TTC17: variants seen among roughly 807,000 people sequenced by gnomAD.
TTC17 encodes tetratricopeptide repeat protein 17.
In TTC17, 58 loss-of-function variants were observed where a neutral mutation model predicts 143.8. That is an observed-to-expected ratio of 0.40 (90% CI 0.33 to 0.50). The LOEUF is 0.50. Among genes scored for constraint, TTC17 ranks in the 20% least tolerant of loss-of-function variants. The pLI, the probability that TTC17 is intolerant of heterozygous loss-of-function variation, is 0.49. For synonymous variants in TTC17, 501 were observed against 497.8 expected, an observed-to-expected ratio of 1.01 and a Z score of -0.09; for missense variants, 1,273 against 1,392.5, an observed-to-expected ratio of 0.91 and a Z score of 1.37.
Position 43,492,088 on chromosome 11 carries a change from A to G in TTC17, c.3219A>G (p.Val1073=), listed in dbSNP as rs760349945. 6.2e-7 allele frequency: 1 copy of G among 1,614,144 alleles called. No homozygotes were observed. The highest frequency in any genetic ancestry group is 1.1e-5 in the South Asian group (1 of 91,078). ...NAKLWNDAVI[V]ATMAVEIAPH... ...AGCTCTGGAATGACGCCGTCATAGT[A>G]GCCACCATGGCAGTAGAGATCGCAC... is the stretch of plus-strand genomic sequence containing the variant. Residue 1073 remains valine (V), a synonymous_variant, in exon 23 of 24, where the codon GTA becomes GTG. Coordinates refer to ENST00000039989, the MANE Select transcript of TTC17 (RefSeq NM_018259.6).
intron 10 of TTC17, among the ~76,000 whole-genome samples, chr11:43,402,856 A>G (rs1024049177): frequency 6.6e-6 from 1 of 152,208 alleles, no homozygotes; most frequent in Non-Finnish European, 1.5e-5. Flanking sequence ...AGCAATAACT[A>G]CTTAAGATAA....
intron 16 of TTC17, among the ~76,000 whole-genome samples, chr11:43,439,468 TGG>T (rs1405723304): frequency 1.1e-4 from 16 of 150,908 alleles, no homozygotes; most frequent in African/African-American, 3.9e-4. Flanking sequence ...TGTTTTTTTT[TGG>T]TTTTTTTTTT....
chr11:43,467,394 C>T (rs568460152), intron 21 of TTC17, among the ~76,000 whole-genome samples: 8 of 152,152 alleles, frequency 5.3e-5, no homozygotes, highest in Non-Finnish European at 8.8e-5. Flanking sequence ...GAGGAATTAA[C>T]GGTAAGTGAA....
chr11:43,492,621 A>G (rs1240930500), intron 23 of TTC17, among the ~76,000 whole-genome samples: 4 of 152,196 alleles, frequency 2.6e-5, no homozygotes, highest in Admixed American at 6.5e-5. Flanking sequence ...CCTCTAGCCT[A>G]CGGGCTCATT....
chr11:43,401,987 ATAAAT>A (rs1382225967), intron 10 of TTC17, among the ~76,000 whole-genome samples: 5 of 79,384 alleles, frequency 6.3e-5, no homozygotes, highest in Non-Finnish European at 1.1e-4. Context: ...CAAAAAATAA[ATAAAT>A]AAATAAATAA....
chr11:43,368,912 C>T (rs970590932), intron 1 of TTC17, among the ~76,000 whole-genome samples: 22 of 152,300 alleles, frequency 1.4e-4, no homozygotes, highest in African/African-American at 5.3e-4. Flanking sequence ...TACCAGCCCT[C>T]GGGATGTTCT....
intron 21 of TTC17, among the ~76,000 whole-genome samples, chr11:43,452,227 C>A (rs115909530): frequency 6.6e-6 from 1 of 152,178 alleles, no homozygotes; most frequent in Admixed American, 6.5e-5. Context: ...CGGTCGGGCC[C>A]GGTGGCTCAC....
chr11:43,492,176 T>A lies in TTC17; in HGVS notation c.3294+13T>A, dbSNP rs1419622285. The A allele has an allele frequency of 6.2e-7, 1 of 1,613,750 alleles. No homozygotes were observed. Among genetic ancestry groups the A allele is most frequent in the Non-Finnish European group, 8.5e-7 (1 of 1,179,814 alleles). On this transcript the variant is annotated intron_variant, in intron 23 of 23. Transcript: ENST00000039989. ...CTACGTGGCAATGGTGAGATGGGGGTGTGAGCAGTATGTACCAACTCTGCC... is the reference window on the plus strand; with the variant it reads ...CTACGTGGCAATGGTGAGATGGGGGAGTGAGCAGTATGTACCAACTCTGCC...
chr11:43,362,106 G>A (rs917449857), intron 1 of TTC17, among the ~76,000 whole-genome samples: 12 of 150,794 alleles, frequency 8.0e-5, no homozygotes, highest in Non-Finnish European at 1.3e-4. Flanking sequence ...TCAGCATCCC[G>A]AGTAGCTGGG....
At chr11:43,380,907 T>C (rs1856943206) in intron 2 of TTC17, among the ~76,000 whole-genome samples, 1 of 152,234 alleles carries the variant, frequency 6.6e-6, no homozygotes, top group African/African-American at 2.4e-5. Flanking sequence ...TAGTGCTTCA[T>C]GCTTGGAAGC....
chr11:43,432,220 G>T lies in TTC17; in HGVS notation c.2252-11105G>T, dbSNP rs932778817. Reference sequence around the variant, plus strand: ...TAAATTGTGACTTTACCCGTCAGGAGACTTTACTTTGACAAGTATATTAAA... The same window carrying T: ...TAAATTGTGACTTTACCCGTCAGGATACTTTACTTTGACAAGTATATTAAA... On this transcript the variant is annotated intron_variant, in intron 16 of 23. Transcript: ENST00000039989. Among the ~76,000 whole-genome samples, 5 of 46,426 alleles carry T rather than the reference G, an allele frequency of 1.1e-4. No homozygotes were observed. The South Asian group carries it at 6.1e-3, about 57-fold the overall frequency. The allele number at this position is 46,426 out of a possible 152,430, so 30.5% of individuals were successfully genotyped here.
chr11:43,369,711 G>C (rs564491106), intron 1 of TTC17, among the ~76,000 whole-genome samples: 1 of 151,786 alleles, frequency 6.6e-6, no homozygotes, highest in Non-Finnish European at 1.5e-5. Flanking sequence ...CTGCCTCCCA[G>C]GTTCAAGTGA....
At chr11:43,462,286 T>G (rs1947883728) in intron 21 of TTC17, among the ~76,000 whole-genome samples, 1 of 152,180 alleles carries the variant, frequency 6.6e-6, no homozygotes, top group Non-Finnish European at 1.5e-5. Flanking sequence ...ATACACAGTA[T>G]GGAAAGAAGA....
intron 21 of TTC17, among the ~76,000 whole-genome samples, chr11:43,459,537 C>T (rs1402610994): frequency 6.6e-6 from 1 of 152,188 alleles, no homozygotes; most frequent in Non-Finnish European, 1.5e-5. Flanking sequence ...CAGAGAGAAG[C>T]CACACCCACA....
intron 21 of TTC17, among the ~76,000 whole-genome samples, chr11:43,458,749 T>C (rs1330466923): frequency 6.6e-6 from 1 of 152,190 alleles, no homozygotes; most frequent in East Asian, 1.9e-4. Context: ...AGTTTTCAGT[T>C]ACCCACAGTC....
chr11:43,362,000 G>A (rs901704619), intron 1 of TTC17, among the ~76,000 whole-genome samples: 1 of 131,540 alleles, frequency 7.6e-6, no homozygotes, highest in Non-Finnish European at 1.6e-5. Flanking sequence ...TTTTTTTTGA[G>A]ATGGAGTTTT....
rs749662306 is a variant in TTC17, at chr11:43,492,175, G to C, written c.3294+12G>C. On this transcript the variant is annotated intron_variant, in intron 23 of 23. Coordinates refer to ENST00000039989, the MANE Select transcript of TTC17 (RefSeq NM_018259.6). ...TCTACGTGGCAATGGTGAGATGGGG[G>C]TGTGAGCAGTATGTACCAACTCTGC... The C allele has an allele frequency of 1.9e-6, 3 of 1,613,736 alleles. No individual in the cohort carries two copies. Among genetic ancestry groups the C allele is most frequent in the Non-Finnish European group, 2.5e-6 (3 of 1,179,794 alleles).
At chr11:43,488,266 G>A (rs904082836) in intron 21 of TTC17, among the ~76,000 whole-genome samples, 5 of 152,040 alleles carry the variant, frequency 3.3e-5, no homozygotes, top group South Asian at 2.1e-4. Flanking sequence ...AATACTATAC[G>A]CCCTGAAAAT....
At chr11:43,472,609 T>G (rs1310079739) in intron 21 of TTC17, among the ~76,000 whole-genome samples, 1 of 152,090 alleles carries the variant, frequency 6.6e-6, no homozygotes, top group Non-Finnish European at 1.5e-5. Context: ...GTGATAGAAT[T>G]AAGCAGACAA....
Sources: gnomAD v4.1 joint callset for allele counts (sites outside exome capture counted in the v4.1 genomes callset) on GRCh38, gnomAD v4.1.1 for gene constraint, MANE v1.5 for transcripts, NCBI Gene and HGNC (gene_info 2026-07-23, HGNC 2026-07-21) for gene names.